The following DCN variants were observed in gnomAD, a reference collection of about 807,000 sequenced individuals.
DCN encodes bone proteoglycan II.
DCN carries 17 observed loss-of-function variants against 36.5 expected under a neutral mutation model. That is an observed-to-expected ratio of 0.47 (90% confidence interval 0.32 to 0.70). The LOEUF (loss-of-function observed/expected upper bound fraction) is 0.70. Ranked by LOEUF, DCN falls within the 30% of genes least tolerant of loss-of-function variation. The pLI, the probability that DCN is intolerant of heterozygous loss-of-function variation, is 0.04. For missense variants in DCN, 389 were observed against 430.1 expected (o/e 0.90, Z 0.84); for synonymous variants, 163 against 161.4 (o/e 1.01, Z -0.07).
intron 4 of DCN, among the ~76,000 whole-genome samples, chr12:91,157,897 G>A (rs1479239969): frequency 5.9e-5 from 9 of 152,088 alleles, no homozygotes; most frequent in Admixed American, 5.9e-4. Context: ...CAAAGTGCTG[G>A]GATTACAGGC....
chr12:91,158,548 A>G, intron 3 of DCN, 39 bp from the exon 4 acceptor site: 1 of 1,029,100 alleles, frequency 9.7e-7, no homozygotes, highest in East Asian at 2.4e-5. Context: ...TAAATCCAAA[A>G]CCTTCCACAT....
At chr12:91,166,511 G>A (rs147386157) in intron 2 of DCN, among the ~76,000 whole-genome samples, 5 of 152,280 alleles carry the variant, frequency 3.3e-5, no homozygotes, top group East Asian at 1.9e-4. Flanking sequence ...CATTTGGAAC[G>A]TAGTTACTAC....
intron 3 of DCN, among the ~76,000 whole-genome samples, chr12:91,160,371 T>C (rs763203657): frequency 6.6e-6 from 1 of 151,838 alleles, no homozygotes; most frequent in African/African-American, 2.4e-5. Flanking sequence ...AAAATCTGTA[T>C]TATGTTAAAT....
chr12:91,168,637 G>T (rs1310958064), intron 2 of DCN, among the ~76,000 whole-genome samples: 1 of 152,116 alleles, frequency 6.6e-6, no homozygotes, highest in Non-Finnish European at 1.5e-5. Context: ...GCCATGTTCT[G>T]TTATAACCAT....
Position 91,143,775 on chromosome 12 carries a change from A to G in DCN, c.*2283T>C, listed in dbSNP as rs1880849643. 6.7e-6 allele frequency: 1 copy of G among 150,058 alleles called. No homozygotes were observed. The highest frequency in any genetic ancestry group is 2.4e-5 in the African/African-American group (1 of 41,042). 9.3% of individuals were successfully genotyped at this position (150,058 alleles called of 1,614,324 possible). A position where few individuals can be genotyped will look rare whatever the true frequency, so the allele number is the denominator to read the frequency against. ...AATCAGCTATATTTATCTTTATTTC[A>G]AAGGAAATAAAGATACATATATATG... On this transcript the variant is annotated 3_prime_UTR_variant, in exon 8 of 8. Coordinates refer to ENST00000052754, the MANE Select transcript of DCN (RefSeq NM_001920.5).
chr12:91,145,921 G>C lies in DCN; in HGVS notation c.*137C>G. The C allele has an allele frequency of 2.8e-6, 2 of 710,628 alleles. No individual in the cohort carries two copies. 44.0% of individuals were successfully genotyped at this position (710,628 alleles called of 1,614,324 possible). A position where few individuals can be genotyped will look rare whatever the true frequency, so the allele number is the denominator to read the frequency against. On this transcript the variant is annotated 3_prime_UTR_variant, in exon 8 of 8. Transcript: ENST00000052754. ...AGGCAATTACTTAAACTGGAAATTTGGCTTTATGCATAATAAGTCATGTGG... is the reference window on the plus strand; with the variant it reads ...AGGCAATTACTTAAACTGGAAATTTCGCTTTATGCATAATAAGTCATGTGG...
At chr12:91,153,432 T>G (rs1056262822) in intron 5 of DCN, among the ~76,000 whole-genome samples, 7 of 152,062 alleles carry the variant, frequency 4.6e-5, no homozygotes, top group Non-Finnish European at 1.5e-5. Context: ...ATTTCTATCA[T>G]GTAGTCAATT....
chr12:91,158,552 TC>T, intron 3 of DCN, 43 bp from the exon 4 acceptor site: 1 of 992,762 alleles, frequency 1.0e-6, no homozygotes, highest in Non-Finnish European at 1.6e-6. Context: ...TCCAAAACCT[TC>T]CACATACATG....
At position 91,141,575 on chromosome 12, in the gene DCN, T is replaced by A. The variant is rs1359191399; in HGVS notation, c.*4483A>T. The A allele has an allele frequency of 6.6e-6, 1 of 152,176 alleles. No homozygotes were observed. The highest frequency in any genetic ancestry group is 1.5e-5 in the Non-Finnish European group (1 of 68,050). 9.4% of individuals were successfully genotyped at this position (152,176 alleles called of 1,614,324 possible). On this transcript the variant is annotated 3_prime_UTR_variant, in exon 8 of 8. Coordinates refer to ENST00000052754, the MANE Select transcript of DCN (RefSeq NM_001920.5). ...GCAAGGCATTATGCACTGCTGTGTC[T>A]CTGCCACTAGAACACTGTCAAGCAC...
Position 91,143,260 on chromosome 12 carries a change from G to A in DCN, c.*2798C>T, listed in dbSNP as rs1880809156. The A allele has an allele frequency of 6.6e-6, 1 of 152,350 alleles. No homozygotes were observed. The highest frequency in any genetic ancestry group is 1.9e-4 in the East Asian group (1 of 5,188). The allele number at this position is 152,350 out of a possible 1,614,324, so 9.4% of individuals were successfully genotyped here. On this transcript the variant is annotated 3_prime_UTR_variant, in exon 8 of 8. Coordinates refer to ENST00000052754, the MANE Select transcript of DCN (RefSeq NM_001920.5). ...TTGAATTTTTAGCCTCCAGAATTGT[G>A]AGAAAGTAAGTTTCTGTTGTTTTAA... is the stretch of plus-strand genomic sequence containing the variant.
chr12:91,155,769 T>C (rs985562922), intron 5 of DCN, among the ~76,000 whole-genome samples: 1 of 152,174 alleles, frequency 6.6e-6, no homozygotes, highest in Non-Finnish European at 1.5e-5. Flanking sequence ...AAGTGCTTTA[T>C]GAATTATAAA....
chr12:91,155,147 A>G (rs939679715), intron 5 of DCN, among the ~76,000 whole-genome samples: 2 of 152,196 alleles, frequency 1.3e-5, no homozygotes, highest in Middle Eastern at 6.3e-3. Flanking sequence ...AGAGTGAAAT[A>G]GTTAAACACA....
chr12:91,181,158 G>C (rs371240372), intron 1 of DCN, among the ~76,000 whole-genome samples: 9 of 148,738 alleles, frequency 6.1e-5, no homozygotes, highest in African/African-American at 2.3e-4. Context: ...GTGAGAGAGA[G>C]AGAATGTATG....
In DCN at chr12:91,144,427, G is replaced by C. The variant is rs1880895895; in HGVS notation, c.*1631C>G. 2.0e-5 allele frequency: 3 copies of C among 152,128 alleles called. No individual in the cohort carries two copies. Among genetic ancestry groups the C allele is most frequent in the Admixed American group, 2.0e-4 (3 of 15,268 alleles). The allele number at this position is 152,128 out of a possible 1,614,324, so 9.4% of individuals were successfully genotyped here. A position where few individuals can be genotyped will look rare whatever the true frequency, so the allele number is the denominator to read the frequency against. ...AAACCACCTATTCAACTGTAGTCATGAGAGGAGGATCTCTTGGGAGATGAA... is the reference window on the plus strand; with the variant it reads ...AAACCACCTATTCAACTGTAGTCATCAGAGGAGGATCTCTTGGGAGATGAA... On this transcript the variant is annotated 3_prime_UTR_variant, in exon 8 of 8. Transcript: ENST00000052754.
chr12:91,164,424 G>GAAAAAAA (rs1882388994), intron 3 of DCN, among the ~76,000 whole-genome samples, 181 bp downstream of exon 3: 1 of 51,414 alleles, frequency 1.9e-5, no homozygotes, highest in Non-Finnish European at 4.0e-5. Flanking sequence ...AAAAGAAAAA[G>GAAAAAAA]AAAAACAGTG....
At chr12:91,160,218 A>G (rs1882074164) in intron 3 of DCN, among the ~76,000 whole-genome samples, 1 of 152,136 alleles carries the variant, frequency 6.6e-6, no homozygotes, top group South Asian at 2.1e-4. Flanking sequence ...GAGCCAGCTG[A>G]GTGGAGTGAG....
Position 91,158,364 on chromosome 12 carries a change from G to A in DCN, c.470C>T (p.Ala157Val), listed in dbSNP as rs1318421155. 6.2e-7 allele frequency: 1 copy of A among 1,613,582 alleles called. No homozygotes were observed. Among genetic ancestry groups the A allele is most frequent in the Admixed American group, 1.7e-5 (1 of 60,020 alleles). Residue 157 changes from alanine to valine, a missense_variant, in exon 4 of 8, where the codon GCC becomes GTC. Transcript: ENST00000052754. Reference sequence around the variant, plus strand: ...CACTTTGGTGATCTCATTCTCATGGGCACGCAGCTCCTGAAGAGTTTTGGG... The same window carrying A: ...CACTTTGGTGATCTCATTCTCATGGACACGCAGCTCCTGAAGAGTTTTGGG... ...KMPKTLQELR[A>V]HENEITKVRK... is the part of the protein sequence containing the mutation.
At chr12:91,168,855 G>T (rs934496017) in intron 2 of DCN, among the ~76,000 whole-genome samples, 3 of 152,112 alleles carry the variant, frequency 2.0e-5, no homozygotes, top group Non-Finnish European at 4.4e-5. Context: ...AGCACCTTTT[G>T]TCACATACAT....
intron 2 of DCN, chr12:91,177,898 T>A (rs1322642774): frequency 1.7e-5 from 8 of 467,042 alleles, no homozygotes; most frequent in Non-Finnish European, 2.7e-5. Flanking sequence ...AATTTAGTAA[T>A]GTTGAAACTC....
Sources: gnomAD v4.1 joint callset for allele counts (sites outside exome capture counted in the v4.1 genomes callset) on GRCh38, gnomAD v4.1.1 for gene constraint, MANE v1.5 for transcripts, NCBI Gene and HGNC (gene_info 2026-07-23, HGNC 2026-07-21) for gene names.